Variants in ATP1A1 observed in about 807,000 individuals in gnomAD.
The protein encoded by ATP1A1 is sodium/potassium-transporting ATPase subunit alpha-1.
A neutral mutation model predicts 114.8 loss-of-function variants in ATP1A1; 14 were observed. The ratio of observed to expected loss-of-function variants is 0.12; its 90% confidence interval spans 0.08 to 0.19. ATP1A1 has a LOEUF of 0.19. Among genes scored for constraint, ATP1A1 ranks in the 10% least tolerant of loss-of-function variants. ATP1A1 has a pLI of 1.00. For synonymous variants in ATP1A1, 471 were observed against 466.3 expected, an observed-to-expected ratio of 1.01 and a Z score of -0.13; for missense variants, 524 against 1,290.7, an observed-to-expected ratio of 0.41 and a Z score of 9.10.
rs182440483 is a variant in ATP1A1 at position 116,387,101 on chromosome 1, C to T, written c.184-187C>T. Among the ~76,000 whole-genome samples, 86 of 152,198 alleles carry T rather than the reference C, an allele frequency of 5.7e-4. 1 individual carries two copies. Among genetic ancestry groups the T allele is most frequent in the Non-Finnish European group, 9.3e-4 (63 of 68,000 alleles). ...CCTTGGGCCTATTGTTTGCCTGAACCCTGTGGGGACTGGCTCATCAGCAGA... is the reference window on the plus strand; with the variant it reads ...CCTTGGGCCTATTGTTTGCCTGAACTCTGTGGGGACTGGCTCATCAGCAGA... On this transcript the variant is annotated intron_variant, in intron 3 of 22. Coordinates refer to ENST00000295598, the MANE Select transcript of ATP1A1 (RefSeq NM_000701.8). The surrounding 1 kb of genome is among the most constrained non-coding windows in gnomAD (Gnocchi z 6.7).
Position 116,404,266 on chromosome 1 carries a change from A to G in ATP1A1, c.3044-150A>G, listed in dbSNP as rs1653783394. ...TAACTTGGTATTCCTAAAAACATGT[A>G]AATAAGTACAGTTGAGGTCCCATGT... On this transcript the variant is annotated intron_variant, in intron 22 of 22. Coordinates refer to ENST00000295598, the MANE Select transcript of ATP1A1 (RefSeq NM_000701.8). The surrounding 1 kb of genome is among the most constrained non-coding windows in gnomAD (Gnocchi z 4.8). The G allele has an allele frequency of 1.0e-6, 1 of 969,504 alleles. No individual in the cohort carries two copies. 60.1% of individuals were successfully genotyped at this position (969,504 alleles called of 1,614,324 possible). A position where few individuals can be genotyped will look rare whatever the true frequency, so the allele number is the denominator to read the frequency against.
intron 1 of ATP1A1, chr1:116,373,730 C>A: frequency 4.2e-6 from 3 of 717,860 alleles, no homozygotes; most frequent in Non-Finnish European, 4.9e-6. Flanking sequence ...AAGGGAGCGC[C>A]GAGGGGCTGG....
In ATP1A1 at chr1:116,404,011, A is replaced by T; in HGVS notation, c.3043+36A>T. On this transcript the variant is annotated intron_variant, in intron 22 of 22. Transcript: ENST00000295598. The surrounding 1 kb of genome is among the most constrained non-coding windows in gnomAD (Gnocchi z 4.8). ...GCATTCTGACTTTGGTTGGAGGAGG[A>T]GTGGGAGGGGCTATAGTTCTATTGG... 6.3e-7 allele frequency: 1 copy of T among 1,587,868 alleles called. No homozygotes were observed. The highest frequency in any genetic ancestry group is 1.3e-5 in the African/African-American group (1 of 74,304).
rs769841029 is a variant in ATP1A1, at chr1:116,404,301, A to C, written c.3044-115A>C. ...AGTTGAGGTCCCATGTTTGGATTTT[A>C]ACACACCCGACCCCCATCATCCTCC... On this transcript the variant is annotated intron_variant, in intron 22 of 22. Coordinates refer to ENST00000295598, the MANE Select transcript of ATP1A1 (RefSeq NM_000701.8). This position sits in a 1 kb window ranked among gnomAD's most constrained non-coding sequence, Gnocchi z 4.8. The C allele has an allele frequency of 4.7e-5, 62 of 1,318,486 alleles. No individual in the cohort carries two copies. The highest frequency in any genetic ancestry group is 6.5e-5 in the Non-Finnish European group (60 of 928,352). 81.7% of individuals were successfully genotyped at this position (1,318,486 alleles called of 1,614,324 possible).
chr1:116,396,715 G>C lies in ATP1A1; in HGVS notation c.1954G>C (p.Val652Leu). The C allele has an allele frequency of 1.9e-6, 3 of 1,589,548 alleles. No individual in the cohort carries two copies. The highest frequency in any genetic ancestry group is 1.7e-6 in the Non-Finnish European group (2 of 1,164,554). ...CATTGCTGCCCGCCTCAACATCCCAGTCAGCCAGGTGAACCCCAGGTAAGG... is the reference window on the plus strand; with the variant it reads ...CATTGCTGCCCGCCTCAACATCCCACTCAGCCAGGTGAACCCCAGGTAAGG... ...EDIAARLNIP[V>L]SQVNPRDAKA... Residue 652 changes from valine (V) to leucine (L), a missense_variant, in exon 14 of 23, where the codon GTC becomes CTC. Around this residue, in one of 8 missense-constraint regions of ATP1A1, gnomAD observed 47 missense variants for 79.8 expected, o/e 0.59. Transcript: ENST00000295598.
chr1:116,374,001 C>A, intron 1 of ATP1A1: 1 of 1,354,522 alleles, frequency 7.4e-7, no homozygotes, highest in South Asian at 1.6e-5. Context: ...CCTCCCCTTC[C>A]CCTGGGGCGC....
Position 116,389,360 on chromosome 1 carries a change from C to T in ATP1A1, c.755-79C>T. 2 of 1,550,926 alleles carry T rather than the reference C, an allele frequency of 1.3e-6. No homozygotes were observed. The highest frequency in any genetic ancestry group is 3.7e-5 in the Admixed American group (2 of 54,540). On this transcript the variant is annotated intron_variant, in intron 7 of 22. Transcript: ENST00000295598. The surrounding 1 kb of genome is among the most constrained non-coding windows in gnomAD (Gnocchi z 6.9). Reference sequence around the variant, plus strand: ...AACTCTTTTTGTTTTTTTAGTCATCCTATGTAATTGTGTAAAATCCGTGGC... The same window carrying T: ...AACTCTTTTTGTTTTTTTAGTCATCTTATGTAATTGTGTAAAATCCGTGGC...
At chr1:116,373,980 A>C in intron 1 of ATP1A1, 1 of 1,377,396 alleles carries the variant, frequency 7.3e-7, no homozygotes, top group Admixed American at 3.2e-5. Flanking sequence ...TGCCCTGAGG[A>C]AAGGCGCGCT....
chr1:116,387,186 T>C lies in ATP1A1; in HGVS notation c.184-102T>C. 7.4e-7 allele frequency: 1 copy of C among 1,356,770 alleles called. No homozygotes were observed. The allele number at this position is 1,356,770 out of a possible 1,614,324, so 84.0% of individuals were successfully genotyped here. On this transcript the variant is annotated intron_variant, in intron 3 of 22. Coordinates refer to ENST00000295598, the MANE Select transcript of ATP1A1 (RefSeq NM_000701.8). This position sits in a 1 kb window ranked among gnomAD's most constrained non-coding sequence, Gnocchi z 6.7. ...GGCTCTCTAGCTTGGGACATTTTGTTTCTTCCTTAAATCCTTATTGCAACC... is the reference window on the plus strand; with the variant it reads ...GGCTCTCTAGCTTGGGACATTTTGTCTCTTCCTTAAATCCTTATTGCAACC...
Position 116,393,106 on chromosome 1 carries a change from A to G in ATP1A1, c.1467+118A>G. 1 of 1,454,244 alleles carries G rather than the reference A, an allele frequency of 6.9e-7. No individual in the cohort carries two copies. Among genetic ancestry groups the G allele is most frequent in the Non-Finnish European group, 9.2e-7 (1 of 1,086,832 alleles). 90.1% of individuals were successfully genotyped at this position (1,454,244 alleles called of 1,614,324 possible). On this transcript the variant is annotated intron_variant, in intron 11 of 22. Coordinates refer to ENST00000295598, the MANE Select transcript of ATP1A1 (RefSeq NM_000701.8). The surrounding 1 kb of genome is among the most constrained non-coding windows in gnomAD (Gnocchi z 5.0). ...GGAGTTTTATAAGCTTTAGCTTTAAATTTTGCCCTTGATTACCATAGAATG... is the reference window on the plus strand; with the variant it reads ...GGAGTTTTATAAGCTTTAGCTTTAAGTTTTGCCCTTGATTACCATAGAATG...
At position 116,401,085 on chromosome 1, in the gene ATP1A1, T is replaced by C. The variant is rs777986651; in HGVS notation, c.2719-45T>C. On this transcript the variant is annotated intron_variant, in intron 19 of 22. Transcript: ENST00000295598. This position sits in a 1 kb window ranked among gnomAD's most constrained non-coding sequence, Gnocchi z 4.7. ...ACTGAGGCCACACTGCCACCAGCCA[T>C]GCAGGTGAAGAGCCAGAGCTCATCT... 4.3e-6 allele frequency: 7 copies of C among 1,612,508 alleles called. No individual in the cohort carries two copies. In the East Asian group the frequency reaches 1.3e-4, roughly 31 times the overall value.
Position 116,401,755 on chromosome 1 carries a change from T to A in ATP1A1, c.2951+100T>A. ...TAGTTGTTATTTTCAGAATTTTGAG[T>A]GGTATGTACAAAAATTCCTATGGGT... On this transcript the variant is annotated intron_variant, in intron 21 of 22. Transcript: ENST00000295598. This position sits in a 1 kb window ranked among gnomAD's most constrained non-coding sequence, Gnocchi z 4.7. The A allele has an allele frequency of 8.1e-7, 1 of 1,230,762 alleles. No homozygotes were observed. The highest frequency in any genetic ancestry group is 1.2e-6 in the Non-Finnish European group (1 of 857,574). 76.2% of individuals were successfully genotyped at this position (1,230,762 alleles called of 1,614,324 possible).
In ATP1A1 at chr1:116,401,997, G is replaced by A. The variant is rs765721592; in HGVS notation, c.2951+342G>A. 3 of 236,646 alleles carry A rather than the reference G, an allele frequency of 1.3e-5. No individual in the cohort carries two copies. Among genetic ancestry groups the A allele is most frequent in the Non-Finnish European group, 2.4e-5 (3 of 123,520 alleles). 14.7% of individuals were successfully genotyped at this position (236,646 alleles called of 1,614,324 possible). ...AGAGGCCAACTGGGGGTATGCTGGAGCGTAGGCGCCCAGGCTCAAATCTTG... is the reference window on the plus strand; with the variant it reads ...AGAGGCCAACTGGGGGTATGCTGGAACGTAGGCGCCCAGGCTCAAATCTTG... On this transcript the variant is annotated intron_variant, in intron 21 of 22. Transcript: ENST00000295598. This position sits in a 1 kb window ranked among gnomAD's most constrained non-coding sequence, Gnocchi z 4.7.
At position 116,387,125 on chromosome 1, in the gene ATP1A1, G is replaced by A. The variant is rs1458779708; in HGVS notation, c.184-163G>A. On this transcript the variant is annotated intron_variant, in intron 3 of 22. Transcript: ENST00000295598. This position sits in a 1 kb window ranked among gnomAD's most constrained non-coding sequence, Gnocchi z 6.7. ...CCCTGTGGGGACTGGCTCATCAGCAGAATTATTCATGGAGGAATTTGCTAG... is the reference window on the plus strand; with the variant it reads ...CCCTGTGGGGACTGGCTCATCAGCAAAATTATTCATGGAGGAATTTGCTAG... Among the ~76,000 whole-genome samples, 3 of 152,170 alleles carry A rather than the reference G, an allele frequency of 2.0e-5. No homozygotes were observed. The highest frequency in any genetic ancestry group is 4.1e-4 in the South Asian group (2 of 4,828).
chr1:116,396,419 G>A (rs1442977563), intron 13 of ATP1A1, among the ~76,000 whole-genome samples, 179 bp from the exon 14 acceptor site: 1 of 150,886 alleles, frequency 6.6e-6, no homozygotes, highest in African/African-American at 2.4e-5. Context: ...TTTCCTTTCT[G>A]TGGATATATA....
Position 116,388,380 on chromosome 1 carries a change from A to G in ATP1A1, c.501+136A>G. 10 of 977,822 alleles carry G rather than the reference A, an allele frequency of 1.0e-5. No individual in the cohort carries two copies. The highest frequency in any genetic ancestry group is 1.4e-5 in the Non-Finnish European group (9 of 661,430). 60.6% of individuals were successfully genotyped at this position (977,822 alleles called of 1,614,324 possible). ...AGATGGATGTCTTCTACCCCACCCA[A>G]AACCAACCTATTTTCCTTCTATCCA... On this transcript the variant is annotated intron_variant, in intron 5 of 22. Transcript: ENST00000295598. The surrounding 1 kb of genome is among the most constrained non-coding windows in gnomAD (Gnocchi z 5.6).
At chr1:116,386,818 C>T (rs1005079715) in intron 3 of ATP1A1, among the ~76,000 whole-genome samples, 1 of 152,118 alleles carries the variant, frequency 6.6e-6, no homozygotes, top group Non-Finnish European at 1.5e-5. Context: ...GGCTGTTAAC[C>T]CAAAGGATTT....
rs1458354438 is a variant in ATP1A1, at chr1:116,384,959, C to T, written c.183+117C>T. The T allele has an allele frequency of 2.1e-6, 2 of 957,896 alleles. No homozygotes were observed. The highest frequency in any genetic ancestry group is 4.0e-5 in the Admixed American group (2 of 49,956). The allele number at this position is 957,896 out of a possible 1,614,324, so 59.3% of individuals were successfully genotyped here. On this transcript the variant is annotated intron_variant, in intron 3 of 22. Coordinates refer to ENST00000295598, the MANE Select transcript of ATP1A1 (RefSeq NM_000701.8). This position sits in a 1 kb window ranked among gnomAD's most constrained non-coding sequence, Gnocchi z 5.1. ...CTAGTAAGAAAATGACAGACACCAT[C>T]TGCGTATCTACCATGTGACATGCAC...
At chr1:116,378,670 T>C (rs1304381467) in intron 1 of ATP1A1, among the ~76,000 whole-genome samples, 1 of 152,252 alleles carries the variant, frequency 6.6e-6, no homozygotes, top group East Asian at 1.9e-4. Context: ...TCAATTCATG[T>C]GACATTTCTT....
Sources: gnomAD v4.1 joint callset for allele counts (sites outside exome capture counted in the v4.1 genomes callset) on GRCh38, gnomAD v4.1.1 for gene constraint, gnomAD v4.1.1 regional missense constraint, Gnocchi (gnomAD v3.1) non-coding constraint, MANE v1.5 for transcripts, NCBI Gene and HGNC (gene_info 2026-07-23, HGNC 2026-07-21) for gene names.